Variants in NDRG3 observed in about 807,000 individuals in gnomAD.
NDRG3 encodes the protein protein NDRG3.
In NDRG3, 23 loss-of-function variants were observed where a neutral mutation model predicts 57.2. That is an observed-to-expected ratio of 0.40 (90% CI 0.29 to 0.57). The LOEUF (loss-of-function observed/expected upper bound fraction) is 0.57, where lower values mean the gene tolerates loss of function less well. Among genes scored for constraint, NDRG3 ranks in the 20% least tolerant of loss-of-function variants. The pLI is 0.42. For missense variants in NDRG3, 384 were observed against 457.3 expected (o/e 0.84, Z 1.46); for synonymous variants, 132 against 162.6 (o/e 0.81, Z 1.43).
chr20:36,676,233 C>T lies in NDRG3; in HGVS notation c.531+4583G>A, dbSNP rs140782933. Among the ~76,000 whole-genome samples the T allele has an allele frequency of 3.9e-3, 597 of 151,378 alleles. 3 individuals are homozygous for T. Among genetic ancestry groups the T allele is most frequent in the African/African-American group, 0.013 (554 of 41,294 alleles). On this transcript the variant is annotated intron_variant, in intron 8 of 15. Coordinates refer to ENST00000349004, the MANE Select transcript of NDRG3 (RefSeq NM_032013.4). ...CCTGCCTGGGCGACACAGCGAGATC[C>T]GTCTCAAAAAAAAATAAATACATAC...
rs1978376206 is a variant in NDRG3 at position 36,653,427 on chromosome 20, G to C, written c.*93C>G. The C allele has an allele frequency of 8.7e-7, 1 of 1,155,242 alleles. No individual in the cohort carries two copies. The allele number at this position is 1,155,242 out of a possible 1,614,324, so 71.6% of individuals were successfully genotyped here. On this transcript the variant is annotated 3_prime_UTR_variant, in exon 16 of 16. Transcript: ENST00000349004. This position sits in a 1 kb window ranked among gnomAD's most constrained non-coding sequence, Gnocchi z 4.2. ...GTTCAGTGGCCATGCATGAGTTAAA[G>C]ATAGTAGAGGCCAGTTTACTGGATG...
chr20:36,743,987 A>C (rs1600987720), intron 1 of NDRG3, among the ~76,000 whole-genome samples: 1 of 110,308 alleles, frequency 9.1e-6, no homozygotes. Context: ...TGCAAGCTCC[A>C]GCTCCCGGGT....
intron 9 of NDRG3, among the ~76,000 whole-genome samples, 191 bp from the exon 10 acceptor site, chr20:36,666,583 T>A (rs1158543156): frequency 2.0e-5 from 3 of 152,186 alleles, no homozygotes; most frequent in African/African-American, 7.2e-5. Context: ...TTCAGTGCTA[T>A]ATTCTGTGTC....
chr20:36,674,574 A>G (rs1980482956), intron 8 of NDRG3, among the ~76,000 whole-genome samples: 1 of 143,752 alleles, frequency 7.0e-6, no homozygotes, highest in South Asian at 2.2e-4. Flanking sequence ...ATTGAATCTC[A>G]TGGTTTGAGT....
At chr20:36,709,213 G>A (rs1460482898) in intron 2 of NDRG3, among the ~76,000 whole-genome samples, 3 of 152,100 alleles carry the variant, frequency 2.0e-5, no homozygotes, top group Non-Finnish European at 4.4e-5. Context: ...TAAAATCTCA[G>A]TTTCTCAGTT....
chr20:36,697,963 CTTTTTTTTTT>C (rs1026025529), intron 3 of NDRG3, among the ~76,000 whole-genome samples: 1 of 123,016 alleles, frequency 8.1e-6, no homozygotes, highest in African/African-American at 3.0e-5. Flanking sequence ...TTTCTTTTTT[CTTTTTTTTTT>C]TTTTTTTTTT....
rs1176166824 is a variant in NDRG3 at position 36,724,764 on chromosome 20, C to A, written c.-48-2981G>T. Among the ~76,000 whole-genome samples, 6 of 151,782 alleles carry A rather than the reference C, an allele frequency of 4.0e-5. No homozygotes were observed. In the East Asian group the frequency reaches 1.2e-3, roughly 30 times the overall value. On this transcript the variant is annotated intron_variant, in intron 1 of 15. Transcript: ENST00000349004. Reference sequence around the variant, plus strand: ...TCAACATGGTGAAACCCCATTTCTACTAAAAGTACAAAGATTAGCTGGGTG... The same window carrying A: ...TCAACATGGTGAAACCCCATTTCTAATAAAAGTACAAAGATTAGCTGGGTG...
At chr20:36,660,257 T>A (rs2148027748) in intron 13 of NDRG3, 80 bp downstream of exon 13, 2 of 1,155,692 alleles carry the variant, frequency 1.7e-6, no homozygotes, top group Admixed American at 2.1e-5. Flanking sequence ...GCTTTGCTCC[T>A]TTCTAAGCAA....
chr20:36,676,766 A>G (rs1980757021), intron 8 of NDRG3, among the ~76,000 whole-genome samples: 2 of 152,236 alleles, frequency 1.3e-5, no homozygotes, highest in South Asian at 2.1e-4. Context: ...CTGGCCTAAC[A>G]GTGAATTATT....
intron 2 of NDRG3, among the ~76,000 whole-genome samples, chr20:36,707,823 C>G (rs1015681963): frequency 6.6e-6 from 1 of 152,158 alleles, no homozygotes; most frequent in Non-Finnish European, 1.5e-5. Context: ...GTGGCTCACA[C>G]CTGTAATCCC....
chr20:36,664,989 T>C, intron 12 of NDRG3, 57 bp downstream of exon 12: 1 of 1,550,974 alleles, frequency 6.4e-7, no homozygotes, highest in Non-Finnish European at 8.9e-7. Context: ...GCACCTGGCC[T>C]ACACATTTTA....
chr20:36,729,532 T>A (rs2425263), intron 1 of NDRG3, among the ~76,000 whole-genome samples: 2,609 of 151,752 alleles, frequency 0.017, 68 homozygotes, highest in African/African-American at 0.06. Flanking sequence ...TTAGCAACAA[T>A]CTTTTTTTTT....
intron 8 of NDRG3, among the ~76,000 whole-genome samples, chr20:36,674,776 GT>G (rs1980508735): frequency 6.7e-6 from 1 of 148,816 alleles, no homozygotes; most frequent in Non-Finnish European, 1.5e-5. Flanking sequence ...TTGACACAAA[GT>G]CTTGTTCTGT....
At chr20:36,728,140 G>A (rs138482579) in intron 1 of NDRG3, among the ~76,000 whole-genome samples, 2,839 of 151,306 alleles carry the variant, frequency 0.019, 36 homozygotes, top group Non-Finnish European at 0.028. Context: ...TGCAAACTCC[G>A]CCTCCCAAGT....
chr20:36,668,669 C>G (rs1979843132), intron 9 of NDRG3: 1 of 151,948 alleles, frequency 6.6e-6, no homozygotes, highest in Admixed American at 6.6e-5. Flanking sequence ...TTCAGACCAG[C>G]CTGGATGCTT....
chr20:36,737,756 G>A (rs1465708126), intron 1 of NDRG3, among the ~76,000 whole-genome samples: 3 of 152,142 alleles, frequency 2.0e-5, no homozygotes, highest in Non-Finnish European at 2.9e-5. Flanking sequence ...GTTAGGTTAC[G>A]GGAGCTTACC....
chr20:36,700,900 A>G (rs62206150), intron 3 of NDRG3, among the ~76,000 whole-genome samples: 2,454 of 152,162 alleles, frequency 0.016, 29 homozygotes, highest in Middle Eastern at 0.027. Context: ...CAGCCCCCCA[A>G]GTAGCTTGGA....
exon 1 of NDRG3, chr20:36,746,076 AGCAGCGGCGGCGGCGGCGGCGGCGGCG>A (rs1227825819): frequency 1.9e-3 from 559 of 291,750 alleles, 2 homozygotes; most frequent in African/African-American, 0.014. Flanking sequence ...TCAGTGCAGC[AGCAGCGGCGGCGGCGGCGGCGGCGGCG>A]GCGGCGGCGG....
intron 9 of NDRG3, 146 bp from the exon 10 acceptor site, chr20:36,666,538 G>T: frequency 1.6e-6 from 1 of 634,058 alleles, no homozygotes. Flanking sequence ...TGATGTACTG[G>T]TAGGCTGAAT....
Sources: gnomAD v4.1 joint callset for allele counts (sites outside exome capture counted in the v4.1 genomes callset) on GRCh38, gnomAD v4.1.1 for gene constraint, Gnocchi (gnomAD v3.1) non-coding constraint, MANE v1.5 for transcripts, NCBI Gene and HGNC (gene_info 2026-07-23, HGNC 2026-07-21) for gene names.